Variants in SCAPER observed in about 807,000 individuals in gnomAD.
SCAPER encodes the protein S phase cyclin A-associated protein in the endoplasmic reticulum.
In SCAPER, 98 loss-of-function variants were observed where a neutral mutation model predicts 182.2. The ratio of observed to expected loss-of-function variants is 0.54; its 90% confidence interval spans 0.46 to 0.64. SCAPER has a LOEUF of 0.64. Ranked by LOEUF, SCAPER falls within the 30% of genes least tolerant of loss-of-function variation. SCAPER has a pLI of 0.00. For missense variants in SCAPER, 1,432 were observed against 1,690.0 expected, an observed-to-expected ratio of 0.85 and a Z score of 2.68; for synonymous variants, 605 against 564.6, an observed-to-expected ratio of 1.07 and a Z score of -1.01.
intron 10 of SCAPER, among the ~76,000 whole-genome samples, chr15:76,768,888 C>T (rs2063275956): frequency 6.6e-6 from 1 of 151,578 alleles, no homozygotes; most frequent in Non-Finnish European, 1.5e-5. Context: ...ACGTTCGTGG[C>T]ATCTTTATTC....
chr15:76,552,120 T>C (rs2045824996), intron 23 of SCAPER, among the ~76,000 whole-genome samples: 2 of 151,908 alleles, frequency 1.3e-5, no homozygotes, highest in African/African-American at 4.8e-5. Context: ...ATCCTGTTTC[T>C]ACAAATTTAA....
intron 21 of SCAPER, among the ~76,000 whole-genome samples, chr15:76,622,110 T>A (rs906944640): frequency 1.1e-4 from 16 of 152,196 alleles, no homozygotes; most frequent in Admixed American, 9.8e-4. Context: ...TTGTTTTTTA[T>A]ACTGACTAAA....
chr15:76,359,418 G>GC (rs1293136952), intron 29 of SCAPER, among the ~76,000 whole-genome samples: 2 of 152,230 alleles, frequency 1.3e-5, no homozygotes, highest in Non-Finnish European at 2.9e-5. Flanking sequence ...TGGCAGAGTA[G>GC]GAAATGTATT....
intron 8 of SCAPER, among the ~76,000 whole-genome samples, chr15:76,777,627 G>C (rs572482252): frequency 1.6e-4 from 25 of 152,298 alleles, no homozygotes; most frequent in African/African-American, 5.8e-4. Flanking sequence ...CTGGGATGTG[G>C]AGGTTGCAGT....
chr15:76,683,766 A>T (rs2057871109), intron 20 of SCAPER, among the ~76,000 whole-genome samples: 2 of 152,136 alleles, frequency 1.3e-5, no homozygotes, highest in African/African-American at 4.8e-5. Context: ...GGGGGTCTAC[A>T]TTCAGCATTC....
intron 23 of SCAPER, among the ~76,000 whole-genome samples, chr15:76,558,063 A>G (rs1347298859): frequency 6.6e-6 from 1 of 152,172 alleles, no homozygotes; most frequent in Non-Finnish European, 1.5e-5. Context: ...AAAACCTAGG[A>G]CATACCCTTC....
intron 23 of SCAPER, among the ~76,000 whole-genome samples, chr15:76,557,168 T>A (rs1455175604): frequency 6.6e-6 from 1 of 152,184 alleles, no homozygotes; most frequent in East Asian, 1.9e-4. Context: ...AATATTAACA[T>A]GGCCATACTG....
chr15:76,780,438 T>C (rs1388253712), intron 8 of SCAPER, among the ~76,000 whole-genome samples: 2 of 152,210 alleles, frequency 1.3e-5, no homozygotes, highest in African/African-American at 4.8e-5. Context: ...AGACTCCACC[T>C]CTGTGGCCAG....
chr15:76,376,174 G>T lies in SCAPER; in HGVS notation c.3843C>A (p.His1281Gln). The T allele has an allele frequency of 6.2e-7, 1 of 1,613,960 alleles. No homozygotes were observed. Among genetic ancestry groups the T allele is most frequent in the Non-Finnish European group, 8.5e-7 (1 of 1,179,852 alleles). The change falls in exon 29 of 32, where the codon CAC becomes CAA. Residue 1281 changes from histidine (H) to glutamine (Q), a missense_variant. Coordinates refer to ENST00000563290, the MANE Select transcript of SCAPER (RefSeq NM_020843.4). Reference sequence around the variant, plus strand: ...CAGGGCCTCTTACCTGGTTATCTGGGTGGTTGACAGTGAAGTAGCCCACAC... The same window carrying T: ...CAGGGCCTCTTACCTGGTTATCTGGTTGGTTGACAGTGAAGTAGCCCACAC... The part of the protein sequence containing the change: ...IVCVGYFTVN[H>Q]PDNQVIVQSG...
chr15:76,809,198 C>T (rs896485592), intron 5 of SCAPER, among the ~76,000 whole-genome samples: 4 of 152,072 alleles, frequency 2.6e-5, no homozygotes, highest in Admixed American at 6.5e-5. Flanking sequence ...TCACCTAATG[C>T]ACAGAAACAA....
intron 23 of SCAPER, among the ~76,000 whole-genome samples, chr15:76,530,910 A>G (rs993467439): frequency 1.3e-5 from 2 of 151,606 alleles, no homozygotes; most frequent in African/African-American, 4.8e-5. Flanking sequence ...GTGTATATGT[A>G]ATATATATGT....
At chr15:76,477,652 A>G (rs1440863722) in intron 24 of SCAPER, among the ~76,000 whole-genome samples, 1 of 152,192 alleles carries the variant, frequency 6.6e-6, no homozygotes, top group Non-Finnish European at 1.5e-5. Context: ...TTTCACCAAC[A>G]TTAAATAATC....
At chr15:76,567,202 C>G (rs2047098329) in intron 23 of SCAPER, 2 of 332,470 alleles carry the variant, frequency 6.0e-6, no homozygotes, top group African/African-American at 4.3e-5. Context: ...GAGATATATC[C>G]ATATTGTTAT....
At chr15:76,842,479 G>A (rs1185711516) in intron 4 of SCAPER, among the ~76,000 whole-genome samples, 2 of 152,176 alleles carry the variant, frequency 1.3e-5, no homozygotes, top group Non-Finnish European at 2.9e-5. Context: ...TGTGAAGAAG[G>A]TGCCTTGGTT....
intron 29 of SCAPER, among the ~76,000 whole-genome samples, chr15:76,368,976 C>T (rs1456198668): frequency 2.6e-5 from 4 of 152,208 alleles, no homozygotes; most frequent in Admixed American, 2.0e-4. Flanking sequence ...CCATAAAATA[C>T]AGGGAATCTT....
intron 22 of SCAPER, among the ~76,000 whole-genome samples, chr15:76,620,444 T>C (rs891144566): frequency 2.0e-5 from 3 of 152,236 alleles, no homozygotes; most frequent in Admixed American, 6.5e-5. Context: ...ATTTGTGATA[T>C]ACAGCATCTT....
intron 24 of SCAPER, among the ~76,000 whole-genome samples, chr15:76,498,071 G>A (rs888903210): frequency 6.7e-6 from 1 of 149,454 alleles, no homozygotes; most frequent in East Asian, 2.0e-4. Flanking sequence ...AGATATTGGC[G>A]TATGTAACAA....
At chr15:76,699,923 T>C (rs1328125926) in intron 20 of SCAPER, among the ~76,000 whole-genome samples, 1 of 152,172 alleles carries the variant, frequency 6.6e-6, no homozygotes, top group African/African-American at 2.4e-5. Context: ...AGTAGCAGCA[T>C]GGTGGCAAAG....
chr15:76,460,802 T>C lies in SCAPER; in HGVS notation c.3078+10410A>G, dbSNP rs182341010. Among the ~76,000 whole-genome samples the C allele has an allele frequency of 9.4e-4, 143 of 152,272 alleles. 2 individuals carry two copies. Among genetic ancestry groups the C allele is most frequent in the African/African-American group, 3.4e-3 (140 of 41,568 alleles). On this transcript the variant is annotated intron_variant, in intron 25 of 31. Transcript: ENST00000563290. Reference sequence around the variant, plus strand: ...CATCTCCAACCTGCTGTTAAACCCATCTAGTGAATTTTTAACAATTTAAAA... The same window carrying C: ...CATCTCCAACCTGCTGTTAAACCCACCTAGTGAATTTTTAACAATTTAAAA...
Sources: allele counts gnomAD v4.1 joint callset (sites outside exome capture counted in the v4.1 genomes callset), GRCh38; gene constraint gnomAD v4.1.1; transcripts MANE v1.5; gene names NCBI Gene and HGNC (gene_info 2026-07-23, HGNC 2026-07-21).